The following FAM81A variants were observed in gnomAD, a reference collection of about 807,000 sequenced individuals.
FAM81A encodes family with sequence similarity 81 member A, also known as protein FAM81A.
FAM81A carries 19 observed loss-of-function variants against 46.7 expected under a neutral mutation model. The ratio of observed to expected loss-of-function variants is 0.41; its 90% CI spans 0.28 to 0.60. The LOEUF (loss-of-function observed/expected upper bound fraction) is 0.60. FAM81A is among the 20% of genes least tolerant of loss of function. The pLI is 0.34. For missense variants in FAM81A, 377 were observed against 453.5 expected (o/e 0.83, Z 1.53); for synonymous variants, 183 against 152.9 (o/e 1.20, Z -1.45).
At chr15:59,479,382 G>A (rs1484647843) in intron 3 of FAM81A, among the ~76,000 whole-genome samples, 3 of 151,868 alleles carry the variant, frequency 2.0e-5, no homozygotes, top group Admixed American at 6.6e-5. Context: ...GTGGTGGCAC[G>A]TGCCTGTACT....
At chr15:59,428,621 CTT>C (rs1206186244) in intron 2 of FAM81A, among the ~76,000 whole-genome samples, 10 of 70,284 alleles carry the variant, frequency 1.4e-4, no homozygotes, top group African/African-American at 2.2e-4. Flanking sequence ...ATGTCTACTC[CTT>C]TTTTTTTTTT....
chr15:59,454,905 C>G (rs2081463769), intron 1 of FAM81A, among the ~76,000 whole-genome samples: 1 of 150,434 alleles, frequency 6.6e-6, no homozygotes, highest in Non-Finnish European at 1.5e-5. Context: ...CCAGGTAGGA[C>G]TACAGGTGTG....
chr15:59,443,165 C>T (rs1452623128), intron 1 of FAM81A, among the ~76,000 whole-genome samples: 1 of 152,210 alleles, frequency 6.6e-6, no homozygotes, highest in African/African-American at 2.4e-5. Flanking sequence ...TCACTGCAGC[C>T]TCCGCCTCCC....
At chr15:59,478,411 G>A (rs1328361826) in intron 3 of FAM81A, among the ~76,000 whole-genome samples, 9 of 152,206 alleles carry the variant, frequency 5.9e-5, no homozygotes, top group African/African-American at 2.2e-4. Context: ...GATGAGTGCA[G>A]CATTGGGCTT....
intron 2 of FAM81A, among the ~76,000 whole-genome samples, chr15:59,414,274 T>G (rs953777985): frequency 6.6e-6 from 1 of 152,136 alleles, no homozygotes; most frequent in Admixed American, 6.5e-5. Context: ...TTCTTGGAAC[T>G]AGTGAATATG....
At chr15:59,455,093 A>G (rs1268460580) in intron 1 of FAM81A, among the ~76,000 whole-genome samples, 4 of 125,194 alleles carry the variant, frequency 3.2e-5, no homozygotes, top group African/African-American at 1.2e-4. Flanking sequence ...TAGAGATGGC[A>G]TTTCACCATA....
At chr15:59,512,434 T>C (rs191282431) in intron 6 of FAM81A, among the ~76,000 whole-genome samples, 1 of 128,788 alleles carries the variant, frequency 7.8e-6, no homozygotes, top group East Asian at 2.2e-4. Context: ...ATCACACCAC[T>C]GTACTCCAGC....
rs780629431 is a variant in FAM81A, at chr15:59,521,352, A to G, written c.1081A>G (p.Met361Val). ...CCAGCTACAGAAGCAAATCCAGCTG[A>G]TGCAGAAGCCAGAGACCCCCATGTG... ...RDQLQKQIQLMQKPETPM is the reference protein window; with the variant it reads ...RDQLQKQIQLVQKPETPM The change falls in exon 9 of 9, where the codon ATG (methionine) becomes GTG (valine). Residue 361 changes from methionine to valine, a missense_variant. By Grantham distance (21) the Met-to-Val change is conservative. Transcript: ENST00000288228. 6.2e-7 allele frequency: 1 copy of G among 1,612,672 alleles called. No individual in the cohort carries two copies. Among genetic ancestry groups the G allele is most frequent in the Non-Finnish European group, 8.5e-7 (1 of 1,179,218 alleles).
At chr15:59,513,491 T>C (rs145666991) in intron 6 of FAM81A, among the ~76,000 whole-genome samples, 1 of 152,336 alleles carries the variant, frequency 6.6e-6, no homozygotes, top group East Asian at 1.9e-4. Flanking sequence ...GTACTCCTCG[T>C]GGGTAGGAAG....
At chr15:59,485,691 G>C (rs1259310130) in intron 3 of FAM81A, among the ~76,000 whole-genome samples, 3 of 152,146 alleles carry the variant, frequency 2.0e-5, no homozygotes, top group African/African-American at 7.2e-5. Context: ...ACATCCACAA[G>C]CATCAAGACC....
At chr15:59,412,168 G>T (rs1312393478) in intron 2 of FAM81A, among the ~76,000 whole-genome samples, 1 of 152,056 alleles carries the variant, frequency 6.6e-6, no homozygotes. Context: ...TGAGTGGGGA[G>T]ATTGTGCTAT....
intron 1 of FAM81A, chr15:59,446,301 G>C (rs1266728190): frequency 8.5e-5 from 13 of 152,102 alleles, no homozygotes; most frequent in African/African-American, 2.9e-4. Context: ...TTTTTGCAAG[G>C]GTTCTCCTAA....
rs189655786 is a variant in FAM81A, at chr15:59,442,511, G to A, written c.-78+4229G>A. On this transcript the variant is annotated intron_variant, in intron 1 of 8. Transcript: ENST00000288228. ...GAGCGCCTGTAATCCCAGCTACTCA[G>A]GAGGCTGAGGCAGGAGAATTGCTTG... Among the ~76,000 whole-genome samples, 955 of 151,464 alleles carry A rather than the reference G, an allele frequency of 6.3e-3. 12 individuals carry two copies. The highest frequency in any genetic ancestry group is 0.022 in the African/African-American group (893 of 41,268).
intron 3 of FAM81A, among the ~76,000 whole-genome samples, chr15:59,467,068 G>A (rs556845295): frequency 4.3e-4 from 65 of 152,186 alleles, no homozygotes; most frequent in African/African-American, 1.5e-3. Context: ...TGGTCTATAT[G>A]TCTGTTTTAG....
chr15:59,520,383 ATAAT>A (rs1459549213), intron 8 of FAM81A, among the ~76,000 whole-genome samples: 1 of 152,050 alleles, frequency 6.6e-6, no homozygotes, highest in Non-Finnish European at 1.5e-5. Flanking sequence ...TATTTTTCCT[ATAAT>A]TAGTGATGTT....
At chr15:59,469,708 C>T (rs1422616707) in intron 3 of FAM81A, among the ~76,000 whole-genome samples, 2 of 152,114 alleles carry the variant, frequency 1.3e-5, no homozygotes. Context: ...GCATTTAGCC[C>T]ACTTACATTT....
At chr15:59,480,368 T>C (rs2081834652) in intron 3 of FAM81A, among the ~76,000 whole-genome samples, 1 of 152,210 alleles carries the variant, frequency 6.6e-6, no homozygotes, top group Admixed American at 6.5e-5. Flanking sequence ...CGCTGGCCTG[T>C]CTGGGGGGCT....
Position 59,398,467 on chromosome 15 carries a change from C to A in FAM81A, c.-160-3809C>A, listed in dbSNP as rs143039716. 5.7e-3 allele frequency among the ~76,000 whole-genome samples: 871 copies of A among 152,212 alleles called. 9 individuals are homozygous for A. The highest frequency in any genetic ancestry group is 6.8e-3 in the Non-Finnish European group (463 of 68,014). On this transcript the variant is annotated intron_variant, in intron 1 of 4. Coordinates refer to the FAM81A transcript ENST00000558348. The stretch of plus-strand genomic sequence containing the variant: ...TAATAGCTCCATAAAGTCATTAGAA[C>A]ATGAATCCAGGCCAGGTGTGGCAGC...
chr15:59,412,535 C>T (rs1195376136), intron 2 of FAM81A, among the ~76,000 whole-genome samples: 8 of 151,864 alleles, frequency 5.3e-5, no homozygotes, highest in Admixed American at 1.3e-4. Context: ...AGATTAGCCT[C>T]GGCAACATGG....
Sources: allele counts gnomAD v4.1 joint callset (sites outside exome capture counted in the v4.1 genomes callset), GRCh38; gene constraint gnomAD v4.1.1; transcripts MANE v1.5; gene names NCBI Gene and HGNC (gene_info 2026-07-23, HGNC 2026-07-21).